DMD: variants seen among roughly 807,000 people sequenced by gnomAD.
DMD encodes mutant dystrophin.
In DMD, 63 loss-of-function variants were observed where a neutral mutation model predicts 330.1. The ratio of observed to expected loss-of-function variants is 0.19; its 90% CI spans 0.16 to 0.24. DMD has a LOEUF of 0.24. Ranked by LOEUF, DMD falls within the 10% of genes least tolerant of loss-of-function variation. The probability of loss-of-function intolerance (pLI) is 1.00; values close to 1 mark genes in which losing one functional copy is unlikely to be tolerated. For missense variants in DMD, 3,344 were observed against 2,684.1 expected (o/e 1.25, Z -5.43); for synonymous variants, 1,223 against 959.8 (o/e 1.27, Z -5.07).
intron 78 of DMD, among the ~76,000 whole-genome samples, chrX:31,122,285 T>G (rs188632849): frequency 8.9e-6 from 1 of 111,926 alleles, no homozygotes; most frequent in African/African-American, 3.2e-5. Context: ...TATTCCATGA[T>G]GGGATACATC....
intron 44 of DMD, among the ~76,000 whole-genome samples, chrX:32,202,114 G>C (rs764607541): frequency 1.8e-5 from 2 of 111,173 alleles, no homozygotes; most frequent in Admixed American, 1.9e-4. Context: ...TATGTATTGA[G>C]AGAATTGCTT....
chrX:31,319,691 C>A (rs1437175463), intron 62 of DMD, among the ~76,000 whole-genome samples: 2 of 112,569 alleles, frequency 1.8e-5, no homozygotes, highest in South Asian at 3.7e-4. Flanking sequence ...CCCTGTTGGT[C>A]TGACCCAGTG....
At position 31,636,129 on chromosome X, in the gene DMD, G is replaced by A. The variant is rs1480408501; in HGVS notation, c.8028-8267C>T. Among the ~76,000 whole-genome samples the A allele has an allele frequency of 6.3e-5, 7 of 111,500 alleles. No individual in the cohort carries two copies. The Admixed American group carries it at 6.7e-4, about 11-fold the overall frequency. ...ATACTGCATGTTCTCACTTATTAGT[G>A]GGAGCTAAATGATGAGAACACATGG... On this transcript the variant is annotated intron_variant, in intron 54 of 78. Coordinates refer to ENST00000357033, the MANE Select transcript of DMD (RefSeq NM_004006.3).
At chrX:33,008,937 C>T (rs1250263922) in intron 2 of DMD, among the ~76,000 whole-genome samples, 5 of 90,980 alleles carry the variant, frequency 5.5e-5, no homozygotes, top group Non-Finnish European at 1.1e-4. Context: ...TGTATATATA[C>T]ACACGTATAT....
chrX:32,372,049 C>T lies in DMD; in HGVS notation c.4846-6850G>A, dbSNP rs764829026. Among the ~76,000 whole-genome samples the T allele has an allele frequency of 1.8e-3, 197 of 111,332 alleles. 1 individual carries two copies. Among genetic ancestry groups the T allele is most frequent in the African/African-American group, 6.2e-3 (192 of 30,789 alleles). ...GTATAGTGGAAAAAACTGTTGAAAT[C>T]AGGCATAGTATTACAGTTTTGCTAT... On this transcript the variant is annotated intron_variant, in intron 34 of 78. Transcript: ENST00000357033.
chrX:32,852,676 G>A (rs1011783000), intron 2 of DMD, among the ~76,000 whole-genome samples: 4 of 109,333 alleles, frequency 3.7e-5, no homozygotes, highest in Non-Finnish European at 7.6e-5. Context: ...AGAACGGAGA[G>A]ACCCAGGCCT....
chrX:31,180,340 A>G, intron 69 of DMD, 30 bp downstream of exon 69: 1 of 987,780 alleles, frequency 1.0e-6, no homozygotes. Flanking sequence ...AGGTGAACTA[A>G]CTCTCACGTC....
chrX:32,478,441 T>C (rs1194622072), intron 21 of DMD, among the ~76,000 whole-genome samples: 5 of 111,518 alleles, frequency 4.5e-5, no homozygotes, highest in African/African-American at 6.5e-5. Context: ...TTAAATAACA[T>C]AGACCATGAC....
intron 1 of DMD, among the ~76,000 whole-genome samples, chrX:33,160,807 C>T (rs752737571): frequency 1.7e-3 from 187 of 110,825 alleles, no homozygotes; most frequent in African/African-American, 5.6e-3. Context: ...TCTTGCCTGC[C>T]GGTGATGATC....
At chrX:31,420,219 A>G (rs1244036594) in intron 60 of DMD, among the ~76,000 whole-genome samples, 1 of 112,758 alleles carries the variant, frequency 8.9e-6, no homozygotes, top group Non-Finnish European at 1.9e-5. Context: ...AATAAGCTCA[A>G]TAAAGACAGG....
At chrX:32,706,164 G>T (rs2064616522) in intron 7 of DMD, among the ~76,000 whole-genome samples, 1 of 92,636 alleles carries the variant, frequency 1.1e-5, no homozygotes, top group African/African-American at 4.0e-5. Flanking sequence ...CTCAGAGGTG[G>T]GAACTGAAAA....
At chrX:31,546,726 C>A (rs2074160151) in intron 55 of DMD, among the ~76,000 whole-genome samples, 1 of 112,420 alleles carries the variant, frequency 8.9e-6, no homozygotes, top group Non-Finnish European at 1.9e-5. Flanking sequence ...AGACATTATG[C>A]TTCTTGTCAG....
chrX:32,463,270 T>C (rs1278636794), intron 25 of DMD, among the ~76,000 whole-genome samples, 169 bp downstream of exon 25: 1 of 111,941 alleles, frequency 8.9e-6, no homozygotes, highest in East Asian at 2.8e-4. Context: ...ATATATACCA[T>C]GAAAATATTT....
At chrX:33,109,595 A>T (rs2148424338) in intron 1 of DMD, among the ~76,000 whole-genome samples, 1 of 109,613 alleles carries the variant, frequency 9.1e-6, no homozygotes, top group Non-Finnish European at 1.9e-5. Context: ...AAAAAAAATT[A>T]TTCCAGTTAC....
At chrX:33,045,340 A>ACACACACACACACACAC (rs1569551361) in intron 1 of DMD, among the ~76,000 whole-genome samples, 7 of 109,102 alleles carry the variant, frequency 6.4e-5, no homozygotes, top group Admixed American at 9.8e-5. Flanking sequence ...ACACACACAC[A>ACACACACACACACACAC]AGTATTTCGT....
At chrX:33,143,217 A>G (rs1181833212) in intron 1 of DMD, among the ~76,000 whole-genome samples, 1 of 111,087 alleles carries the variant, frequency 9.0e-6, no homozygotes, top group Non-Finnish European at 1.9e-5. Context: ...TCACTTTGGT[A>G]CTAGAATTAC....
intron 44 of DMD, among the ~76,000 whole-genome samples, chrX:31,971,719 T>G: frequency 8.9e-6 from 1 of 112,024 alleles, no homozygotes; most frequent in Non-Finnish European, 1.9e-5. Flanking sequence ...ATGTAAAATC[T>G]CAATCAACTT....
chrX:32,280,081 C>T (rs1209790281), intron 43 of DMD, among the ~76,000 whole-genome samples: 1 of 89,733 alleles, frequency 1.1e-5, no homozygotes, highest in African/African-American at 4.1e-5. Flanking sequence ...CATAGTAAAT[C>T]TATTTATATA....
At chrX:32,027,566 G>GTCT (rs1712769996) in intron 44 of DMD, among the ~76,000 whole-genome samples, 1 of 111,818 alleles carries the variant, frequency 8.9e-6, no homozygotes, top group African/African-American at 3.3e-5. Flanking sequence ...CTGAACTACA[G>GTCT]TCTTAAGAAA....
Sources: allele counts gnomAD v4.1 joint callset (sites outside exome capture counted in the v4.1 genomes callset), GRCh38; gene constraint gnomAD v4.1.1; transcripts MANE v1.5; gene names NCBI Gene and HGNC (gene_info 2026-07-23, HGNC 2026-07-21).